PGAM5: variants seen among roughly 807,000 people sequenced by gnomAD.
The protein encoded by PGAM5 is PGAM family member 5, mitochondrial serine/threonine protein phosphatase, also known as serine/threonine-protein phosphatase PGAM5, mitochondrial.
In PGAM5, 25 loss-of-function variants were observed where a neutral mutation model predicts 30.6. The observed-to-expected ratio is 0.82, with a 90% CI of 0.60 to 1.14. The LOEUF (loss-of-function observed/expected upper bound fraction) is 1.14, where lower values mean the gene tolerates loss of function less well. Ranked by LOEUF, PGAM5 falls within the 50% of genes most tolerant of loss-of-function variation. The probability of loss-of-function intolerance (pLI) is 0.00; values close to 1 mark genes in which losing one functional copy is unlikely to be tolerated. For missense variants in PGAM5, 384 were observed against 408.5 expected (o/e 0.94, Z 0.52); for synonymous variants, 201 against 179.1 (o/e 1.12, Z -0.98).
At chr12:132,714,739 CCTT>C in intron 1 of PGAM5, 116 bp from the exon 2 acceptor site, 4 of 1,166,332 alleles carry the variant, frequency 3.4e-6, no homozygotes, top group Non-Finnish European at 4.9e-6. Flanking sequence ...GTGCCAAGGG[CCTT>C]GTCTTCTCTC....
intron 1 of PGAM5, 81 bp from the exon 2 acceptor site, chr12:132,714,777 A>G: frequency 1.2e-5 from 18 of 1,495,780 alleles, no homozygotes; most frequent in Non-Finnish European, 1.7e-5. Context: ...ATAGTCTGAC[A>G]ATTTGGAAAT....
At chr12:132,718,245 C>T (rs1203883402) in intron 5 of PGAM5, 125 bp downstream of exon 5, 8 of 1,254,358 alleles carry the variant, frequency 6.4e-6, no homozygotes, top group African/African-American at 4.5e-5. Flanking sequence ...CACCAGCCCC[C>T]GGGCGTCCAC....
At chr12:132,717,374 G>GA in intron 2 of PGAM5, 65 bp from the exon 3 acceptor site, 1 of 1,544,876 alleles carries the variant, frequency 6.5e-7, no homozygotes, top group Non-Finnish European at 8.7e-7. Flanking sequence ...GCGGGCGGAG[G>GA]AGGGGGTGTT....
intron 5 of PGAM5, among the ~76,000 whole-genome samples, chr12:132,720,231 C>T (rs2043629219): frequency 6.6e-6 from 1 of 152,146 alleles, no homozygotes; most frequent in African/African-American, 2.4e-5. Context: ...GGGGCTCAGC[C>T]TCTGTTTGTA....
intron 1 of PGAM5, 93 bp downstream of exon 1, chr12:132,711,160 G>A (rs2043518106): frequency 1.0e-6 from 1 of 980,136 alleles, no homozygotes; most frequent in South Asian, 5.0e-5. Flanking sequence ...TTAAGGTTGC[G>A]ATCGGGTCGG....
At chr12:132,719,571 C>A (rs2043622566) in intron 5 of PGAM5, among the ~76,000 whole-genome samples, 1 of 152,216 alleles carries the variant, frequency 6.6e-6, no homozygotes, top group Non-Finnish European at 1.5e-5. Context: ...GCTGCCACCA[C>A]CACCTTGTGT....
At chr12:132,717,086 G>C (rs994315751) in intron 2 of PGAM5, among the ~76,000 whole-genome samples, 1 of 152,222 alleles carries the variant, frequency 6.6e-6, no homozygotes, top group Non-Finnish European at 1.5e-5. Flanking sequence ...GAGTGAGGGT[G>C]ACAAGGGGGG....
At position 132,711,081 on chromosome 12, in the gene PGAM5, T is replaced by C. The variant is rs992845556; in HGVS notation, c.191+14T>C. On this transcript the variant is annotated intron_variant, in intron 1 of 5. Coordinates refer to ENST00000498926, the MANE Select transcript of PGAM5 (RefSeq NM_001170543.2). ...CAACTGGGACAGGTGCGCGCGGGGC[T>C]GTTTGGGGCCGGGGTCGGGATGGGG... is the stretch of plus-strand genomic sequence containing the variant. 1.5e-5 allele frequency: 18 copies of C among 1,204,716 alleles called. No individual in the cohort carries two copies. Among genetic ancestry groups the C allele is most frequent in the Non-Finnish European group, 1.6e-5 (16 of 970,030 alleles). The allele number at this position is 1,204,716 out of a possible 1,614,324, so 74.6% of individuals were successfully genotyped here. A position where few individuals can be genotyped will look rare whatever the true frequency, so the allele number is the denominator to read the frequency against.
chr12:132,714,661 G>C, intron 1 of PGAM5, 197 bp from the exon 2 acceptor site: 1 of 603,406 alleles, frequency 1.7e-6, no homozygotes, highest in Non-Finnish European at 2.9e-6. Flanking sequence ...GCATCACTCA[G>C]AACAGACCTG....
At chr12:132,720,573 TG>T in intron 5 of PGAM5, 104 bp from the exon 6 acceptor site, 1 of 1,233,926 alleles carries the variant, frequency 8.1e-7, no homozygotes, top group Non-Finnish European at 1.1e-6. Flanking sequence ...CCCAAAGTGC[TG>T]GGATTACAGG....
At chr12:132,714,318 G>C (rs754061320) in intron 1 of PGAM5, among the ~76,000 whole-genome samples, 1 of 152,190 alleles carries the variant, frequency 6.6e-6, no homozygotes, top group African/African-American at 2.4e-5. Context: ...CACCCGGCCT[G>C]AGGGTCTAAA....
At chr12:132,718,170 G>C in intron 5 of PGAM5, 50 bp downstream of exon 5, 1 of 1,607,254 alleles carries the variant, frequency 6.2e-7, no homozygotes, top group Non-Finnish European at 8.5e-7. Flanking sequence ...CAGACTTAGA[G>C]AAAAGCATGA....
At chr12:132,714,559 G>A (rs1247927404) in intron 1 of PGAM5, among the ~76,000 whole-genome samples, 2 of 152,194 alleles carry the variant, frequency 1.3e-5, no homozygotes, top group Non-Finnish European at 2.9e-5. Flanking sequence ...CCACAGTTGC[G>A]TTTGGGGTAG....
At chr12:132,717,820 A>C in intron 4 of PGAM5, 22 bp downstream of exon 4, 1 of 1,578,536 alleles carries the variant, frequency 6.3e-7, no homozygotes, top group Non-Finnish European at 8.6e-7. Flanking sequence ...CCCGGGGGGC[A>C]GCTGTGTCAC....
rs535587399 is a variant in PGAM5 at position 132,712,933 on chromosome 12, G to A, written c.191+1866G>A. On this transcript the variant is annotated intron_variant, in intron 1 of 5. Transcript: ENST00000498926. ...AGCATTTTGAGAGGCTGAGGTGGGCGGATCACTTGAGGTCAGGAGTTCGAG... is the reference window on the plus strand; with the variant it reads ...AGCATTTTGAGAGGCTGAGGTGGGCAGATCACTTGAGGTCAGGAGTTCGAG... Among the ~76,000 whole-genome samples, 33 of 152,056 alleles carry A rather than the reference G, an allele frequency of 2.2e-4. No individual in the cohort carries two copies. In the East Asian group the frequency reaches 5.8e-3, roughly 27 times the overall value.
intron 2 of PGAM5, among the ~76,000 whole-genome samples, chr12:132,716,131 G>T (rs1226340150): frequency 6.6e-6 from 1 of 151,946 alleles, no homozygotes; most frequent in Non-Finnish European, 1.5e-5. Flanking sequence ...TGTTACCCAG[G>T]CTGGAGTGCA....
intron 1 of PGAM5, among the ~76,000 whole-genome samples, chr12:132,713,786 G>C (rs2043545594): frequency 6.6e-6 from 1 of 151,950 alleles, no homozygotes; most frequent in Non-Finnish European, 1.5e-5. Flanking sequence ...TCCCACCTCA[G>C]CCTCCTGAGT....
chr12:132,713,914 C>T (rs2043547226), intron 1 of PGAM5, among the ~76,000 whole-genome samples: 1 of 152,138 alleles, frequency 6.6e-6, no homozygotes, highest in Non-Finnish European at 1.5e-5. Flanking sequence ...AGTGATCTGC[C>T]CACCTCGGCC....
chr12:132,718,856 C>T (rs1447296766), intron 5 of PGAM5: 10 of 1,612,612 alleles, frequency 6.2e-6, no homozygotes, highest in East Asian at 2.2e-5. Context: ...CGTGTGCCAG[C>T]GTGACGGCTC....
Sources: gnomAD v4.1 joint callset for allele counts (sites outside exome capture counted in the v4.1 genomes callset) on GRCh38, gnomAD v4.1.1 for gene constraint, MANE v1.5 for transcripts, NCBI Gene and HGNC (gene_info 2026-07-23, HGNC 2026-07-21) for gene names.